Variants in CACNA1C observed in about 807,000 individuals in gnomAD.
The protein encoded by CACNA1C is calcium voltage-gated channel subunit alpha1 C.
In CACNA1C, 30 loss-of-function variants were observed where a neutral mutation model predicts 229.0. That is an observed-to-expected ratio of 0.13 (90% CI 0.10 to 0.18). The LOEUF is 0.18. Among genes scored for constraint, CACNA1C ranks in the 10% least tolerant of loss-of-function variants. The probability of loss-of-function intolerance (pLI) is 1.00; values close to 1 mark genes in which losing one functional copy is unlikely to be tolerated. For synonymous variants in CACNA1C, 1,114 were observed against 1,132.5 expected (o/e 0.98, Z 0.33); for missense variants, 1,658 against 2,845.0 (o/e 0.58, Z 9.49).
intron 3 of CACNA1C, among the ~76,000 whole-genome samples, chr12:2,358,189 G>A (rs889176893): frequency 2.6e-4 from 40 of 151,592 alleles, no homozygotes; most frequent in African/African-American, 4.6e-4. Context: ...GCCGTTCTCC[G>A]GGAGGGTGTG....
intron 3 of CACNA1C, among the ~76,000 whole-genome samples, chr12:2,289,760 A>G (rs1297917661): frequency 3.3e-5 from 5 of 152,172 alleles, no homozygotes; most frequent in Admixed American, 2.6e-4. Context: ...GGGGACACCT[A>G]GTTCTTAAGT....
intron 4 of CACNA1C, among the ~76,000 whole-genome samples, chr12:2,457,097 A>G (rs1262738802): frequency 2.0e-5 from 3 of 152,242 alleles, no homozygotes; most frequent in Non-Finnish European, 4.4e-5. Context: ...CAAGGCCAGC[A>G]CAAAGGAGAT....
At chr12:2,546,942 G>A (rs1167607614) in intron 9 of CACNA1C, among the ~76,000 whole-genome samples, 2 of 152,202 alleles carry the variant, frequency 1.3e-5, no homozygotes, top group African/African-American at 4.8e-5. Flanking sequence ...AAATAGCAAG[G>A]AAGCCCTTGA....
intron 3 of CACNA1C, among the ~76,000 whole-genome samples, chr12:2,356,392 G>A (rs2097363941): frequency 6.6e-6 from 1 of 152,248 alleles, no homozygotes; most frequent in Non-Finnish European, 1.5e-5. Context: ...GGACTGTCCA[G>A]AGTCTATACT....
intron 3 of CACNA1C, among the ~76,000 whole-genome samples, chr12:2,208,984 C>T (rs988133915): frequency 1.3e-5 from 2 of 152,190 alleles, no homozygotes; most frequent in Non-Finnish European, 2.9e-5. Flanking sequence ...TCACCCCCAT[C>T]CAGTAAATAG....
At chr12:1,981,791 A>G (rs573342791) in intron 1 of CACNA1C, among the ~76,000 whole-genome samples, 1 of 152,336 alleles carries the variant, frequency 6.6e-6, no homozygotes, top group African/African-American at 2.4e-5. Flanking sequence ...CCAGGGAGGT[A>G]AAGTTCCAGC....
At chr12:2,400,939 A>G (rs1005051327) in intron 3 of CACNA1C, among the ~76,000 whole-genome samples, 2 of 151,318 alleles carry the variant, frequency 1.3e-5, no homozygotes, top group Non-Finnish European at 2.9e-5. Flanking sequence ...CATGCCAGGC[A>G]CCTCCATCCT....
intron 3 of CACNA1C, among the ~76,000 whole-genome samples, chr12:2,401,775 G>A (rs980890705): frequency 2.0e-5 from 3 of 152,200 alleles, no homozygotes; most frequent in African/African-American, 7.2e-5. Flanking sequence ...CTGATTACGT[G>A]CCTGGCAGCT....
At chr12:2,211,683 T>C (rs2097919244) in intron 3 of CACNA1C, among the ~76,000 whole-genome samples, 1 of 150,864 alleles carries the variant, frequency 6.6e-6, no homozygotes, top group Non-Finnish European at 1.5e-5. Context: ...ATTTGGCTCC[T>C]CCTTTCTTTC....
At chr12:2,579,020 C>G (rs968645473) in intron 13 of CACNA1C, among the ~76,000 whole-genome samples, 3 of 152,102 alleles carry the variant, frequency 2.0e-5, no homozygotes, top group Non-Finnish European at 4.4e-5. Context: ...TTCTGAGGGG[C>G]TCCCAGGTCA....
intron 3 of CACNA1C, among the ~76,000 whole-genome samples, chr12:2,121,128 A>G (rs1214052934): frequency 1.3e-5 from 2 of 152,106 alleles, no homozygotes; most frequent in African/African-American, 4.8e-5. Context: ...AAATTGGGGC[A>G]CTCCAGGATG....
rs1215211901 is a variant in CACNA1C at position 2,689,592 on chromosome 12, C to T, written c.6117+813C>T. ...TGAAAGGTAGTGAGCCCCCCATCAT[C>T]AGACATAGCCAAGCAGAGACTGTGC... On this transcript the variant is annotated intron_variant, in intron 46 of 46. Coordinates refer to ENST00000399655, the MANE Select transcript of CACNA1C (RefSeq NM_000719.7). The surrounding 1 kb of genome is among the most constrained non-coding windows in gnomAD (Gnocchi z 4.2). 6.6e-6 allele frequency among the ~76,000 whole-genome samples: 1 copy of T among 152,012 alleles called. No individual in the cohort carries two copies. The highest frequency in any genetic ancestry group is 1.5e-5 in the Non-Finnish European group (1 of 68,010).
intron 1 of CACNA1C, among the ~76,000 whole-genome samples, chr12:2,055,452 C>T (rs1469893574): frequency 6.6e-6 from 1 of 152,202 alleles, no homozygotes; most frequent in Non-Finnish European, 1.5e-5. Context: ...GGATGATAAT[C>T]TTAACTAGTT....
intron 29 of CACNA1C, among the ~76,000 whole-genome samples, chr12:2,626,836 T>C (rs146307042): frequency 2.6e-5 from 4 of 152,308 alleles, no homozygotes; most frequent in Admixed American, 2.0e-4. Context: ...TTCATATTCG[T>C]ATGCCCAAGC....
intron 3 of CACNA1C, among the ~76,000 whole-genome samples, chr12:2,414,308 A>G (rs1441478348): frequency 5.9e-5 from 9 of 152,216 alleles, no homozygotes; most frequent in Admixed American, 5.9e-4. Flanking sequence ...AAGGACTAGC[A>G]CTTAAGCAAC....
chr12:2,310,099 C>T (rs112455405), intron 3 of CACNA1C, among the ~76,000 whole-genome samples: 21 of 152,228 alleles, frequency 1.4e-4, no homozygotes, highest in African/African-American at 2.2e-4. Flanking sequence ...GGCTACGAAG[C>T]GGAACACTTG....
chr12:2,661,934 T>C (rs1269226646), intron 34 of CACNA1C, among the ~76,000 whole-genome samples: 1 of 152,178 alleles, frequency 6.6e-6, no homozygotes, highest in Non-Finnish European at 1.5e-5. Context: ...ATTTTGTAAC[T>C]CTTACCCAAT....
intron 1 of CACNA1C, among the ~76,000 whole-genome samples, chr12:2,009,019 A>G (rs1376688361): frequency 6.6e-6 from 1 of 152,228 alleles, no homozygotes; most frequent in Admixed American, 6.5e-5. Flanking sequence ...CATTTCGAAT[A>G]GGCAAATTCT....
At chr12:2,615,842 G>A (rs903651150) in intron 29 of CACNA1C, among the ~76,000 whole-genome samples, 7 of 152,224 alleles carry the variant, frequency 4.6e-5, no homozygotes, top group African/African-American at 1.7e-4. Context: ...AGCTGCAGGA[G>A]GCGATGAGTG....
Sources: allele counts gnomAD v4.1 joint callset (sites outside exome capture counted in the v4.1 genomes callset), GRCh38; gene constraint gnomAD v4.1.1; non-coding constraint Gnocchi (gnomAD v3.1); transcripts MANE v1.5; gene names NCBI Gene and HGNC (gene_info 2026-07-23, HGNC 2026-07-21).